STARD13: variants seen among roughly 807,000 people sequenced by gnomAD.
STARD13 encodes the protein StAR related lipid transfer domain containing 13.
In STARD13, 62 loss-of-function variants were observed where a neutral mutation model predicts 106.4. The observed-to-expected ratio is 0.58, with a 90% confidence interval of 0.48 to 0.72. STARD13 has a LOEUF of 0.72. Ranked by LOEUF, STARD13 falls within the 30% of genes least tolerant of loss-of-function variation. The pLI, the probability that STARD13 is intolerant of heterozygous loss-of-function variation, is 0.00. For synonymous variants in STARD13, 565 were observed against 553.0 expected, an observed-to-expected ratio of 1.02 and a Z score of -0.31; for missense variants, 1,387 against 1,424.0, an observed-to-expected ratio of 0.97 and a Z score of 0.42.
chr13:33,385,223 ATATATATAT>A, the STARD13 span, among the ~76,000 whole-genome samples: 1 of 101,638 alleles, frequency 9.8e-6, no homozygotes, highest in African/African-American at 4.9e-5. Flanking sequence ...TTCGGAATAT[ATATATATAT>A]ATATATATAT....
At chr13:33,383,047 G>C in the STARD13 span, among the ~76,000 whole-genome samples, 1 of 152,156 alleles carries the variant, frequency 6.6e-6, no homozygotes, top group Non-Finnish European at 1.5e-5. Flanking sequence ...GTAACATCTA[G>C]TTAGAGCTTC....
the STARD13 span, among the ~76,000 whole-genome samples, chr13:33,559,222 C>T: frequency 4.9e-4 from 75 of 151,516 alleles, no homozygotes; most frequent in African/African-American, 1.7e-3. Context: ...CTACATTAAC[C>T]TGCTACATTT....
the STARD13 span, among the ~76,000 whole-genome samples, chr13:33,582,775 C>T: frequency 6.6e-6 from 1 of 152,188 alleles, no homozygotes; most frequent in Non-Finnish European, 1.5e-5. Flanking sequence ...ATCAACCTAA[C>T]CACTTTTTCA....
chr13:33,496,967 T>A, the STARD13 span, among the ~76,000 whole-genome samples: 5 of 152,118 alleles, frequency 3.3e-5, no homozygotes, highest in African/African-American at 7.2e-5. Flanking sequence ...GAACCTCAAG[T>A]ATATAACAAA....
intron 12 of STARD13, among the ~76,000 whole-genome samples, chr13:33,108,763 C>T (rs1357378431): frequency 2.6e-5 from 4 of 152,206 alleles, no homozygotes. Context: ...AGGAGGCACG[C>T]TATGGCATGG....
intron 1 of STARD13, among the ~76,000 whole-genome samples, chr13:33,304,295 T>G (rs1337788786): frequency 2.6e-5 from 4 of 152,278 alleles, no homozygotes; most frequent in African/African-American, 9.6e-5. Flanking sequence ...AAAATTATTT[T>G]TCTTAAAGAT....
At chr13:33,457,699 T>C in the STARD13 span, among the ~76,000 whole-genome samples, 1 of 152,288 alleles carries the variant, frequency 6.6e-6, no homozygotes, top group East Asian at 1.9e-4. Flanking sequence ...TCCCGGTTTA[T>C]CTTTTTGCTA....
At chr13:33,258,253 G>A (rs968707713) in intron 1 of STARD13, among the ~76,000 whole-genome samples, 2 of 152,162 alleles carry the variant, frequency 1.3e-5, no homozygotes, top group South Asian at 2.1e-4. Flanking sequence ...GTTAAAGCAA[G>A]CAATTGCCCA....
the STARD13 span, among the ~76,000 whole-genome samples, chr13:33,372,719 A>G: frequency 1.2e-4 from 18 of 152,070 alleles, no homozygotes; most frequent in Non-Finnish European, 2.5e-4. Flanking sequence ...CTTGAGCTGA[A>G]AATAAATCAC....
chr13:33,221,286 T>A lies in STARD13; in HGVS notation c.170-53664A>T, dbSNP rs545743337. Among the ~76,000 whole-genome samples, 37 of 152,330 alleles carry A rather than the reference T, an allele frequency of 2.4e-4. 1 individual carries two copies. Among genetic ancestry groups the A allele is most frequent in the Admixed American group, 1.7e-3 (26 of 15,298 alleles). On this transcript the variant is annotated intron_variant, in intron 1 of 13. Transcript: ENST00000336934. ...CTGGAAACCACTGTTGGATTTTCTGTCTCTATAAGTTTGACTTCTCCAGGT... is the reference window on the plus strand; with the variant it reads ...CTGGAAACCACTGTTGGATTTTCTGACTCTATAAGTTTGACTTCTCCAGGT...
upstream of STARD13, among the ~76,000 whole-genome samples, chr13:33,351,079 T>G (rs1199921306): frequency 6.6e-6 from 1 of 152,236 alleles, no homozygotes; most frequent in Non-Finnish European, 1.5e-5. Context: ...ATTGGTGATC[T>G]GAACATTATG....
chr13:33,328,080 C>T (rs540195572), intron 1 of STARD13, among the ~76,000 whole-genome samples: 9 of 152,164 alleles, frequency 5.9e-5, no homozygotes, highest in Non-Finnish European at 5.9e-5. Context: ...ATTTGTTTTT[C>T]GTATACTGTC....
intron 1 of STARD13, among the ~76,000 whole-genome samples, chr13:33,266,757 T>C (rs943905846): frequency 6.6e-6 from 1 of 152,220 alleles, no homozygotes; most frequent in Non-Finnish European, 1.5e-5. Flanking sequence ...CACTAAGCCA[T>C]ACGCTCCCTT....
chr13:33,299,366 C>T (rs1182012863), intron 1 of STARD13, among the ~76,000 whole-genome samples: 2 of 152,214 alleles, frequency 1.3e-5, no homozygotes, highest in East Asian at 3.8e-4. Context: ...CACTGGGAAC[C>T]ATTTGCATAA....
the STARD13 span, among the ~76,000 whole-genome samples, chr13:33,394,688 C>G: frequency 1.3e-5 from 2 of 152,216 alleles, no homozygotes; most frequent in African/African-American, 4.8e-5. Flanking sequence ...TAACCAGACT[C>G]TCTTGCACCA....
the STARD13 span, among the ~76,000 whole-genome samples, chr13:33,375,039 A>G: frequency 3.9e-5 from 6 of 152,224 alleles, no homozygotes; most frequent in Admixed American, 3.3e-4. Context: ...GCAAGTTTGT[A>G]TGAATTTCAG....
chr13:33,176,449 A>G (rs1475577833), intron 1 of STARD13, among the ~76,000 whole-genome samples: 1 of 152,250 alleles, frequency 6.6e-6, no homozygotes, highest in Non-Finnish European at 1.5e-5. Context: ...ATTACATTCA[A>G]GAAATGAAAT....
chr13:33,474,075 T>C, the STARD13 span, among the ~76,000 whole-genome samples: 1 of 152,202 alleles, frequency 6.6e-6, no homozygotes, highest in Non-Finnish European at 1.5e-5. Context: ...TATTCTTTTG[T>C]AACACCGTCT....
At chr13:33,136,817 T>C (rs524632) in intron 4 of STARD13, among the ~76,000 whole-genome samples, 49,618 of 152,038 alleles carry the variant, frequency 0.33, 8,810 homozygotes, top group Non-Finnish European at 0.41. Flanking sequence ...TTCTTTGATG[T>C]GGGACAAGAA....
Sources: gnomAD v4.1 joint callset for allele counts (sites outside exome capture counted in the v4.1 genomes callset) on GRCh38, gnomAD v4.1.1 for gene constraint, MANE v1.5 for transcripts, NCBI Gene and HGNC (gene_info 2026-07-23, HGNC 2026-07-21) for gene names.